SHANK1: variants seen among roughly 807,000 people sequenced by gnomAD.
The protein encoded by SHANK1 is SH3 and multiple ankyrin repeat domains 1, also known as SH3 and multiple ankyrin repeat domains protein 1.
A neutral mutation model predicts 165.6 loss-of-function variants in SHANK1; 35 were observed. The ratio of observed to expected loss-of-function variants is 0.21; its 90% CI spans 0.16 to 0.28. The LOEUF (loss-of-function observed/expected upper bound fraction) is 0.28. SHANK1 is among the 10% of genes least tolerant of loss of function. The pLI is 1.00. For synonymous variants in SHANK1, 1,428 were observed against 1,384.8 expected (o/e 1.03, Z -0.69); for missense variants, 2,681 against 3,036.4 (o/e 0.88, Z 2.75).
chr19:50,690,448 C>G lies in SHANK1; in HGVS notation c.1965-1169G>C, dbSNP rs1472610415. Among the ~76,000 whole-genome samples the G allele has an allele frequency of 2.6e-5, 4 of 152,138 alleles. No individual in the cohort carries two copies. Among genetic ancestry groups the G allele is most frequent in the African/African-American group, 9.7e-5 (4 of 41,416 alleles). On this transcript the variant is annotated intron_variant, in intron 15 of 23. Coordinates refer to ENST00000293441, the MANE Select transcript of SHANK1 (RefSeq NM_016148.5). The surrounding 1 kb of genome is among the most constrained non-coding windows in gnomAD (Gnocchi z 4.9). ...AATACTCAGACACCCTGGCTGCAAC[C>G]CCACTGCCTTCAGAATACCCAAGAA...
intron 8 of SHANK1, 74 bp downstream of exon 8, chr19:50,711,297 G>A (rs1444400778): frequency 1.1e-6 from 1 of 904,564 alleles, no homozygotes; most frequent in Non-Finnish European, 1.8e-6. Flanking sequence ...GTCAAGAGGA[G>A]TGTCTGAGCT....
In SHANK1 at chr19:50,686,828, A is replaced by T. The variant is rs372230734; in HGVS notation, c.2390-16T>A. On this transcript the variant is annotated splice_polypyrimidine_tract_variant and intron_variant, in intron 19 of 23. Coordinates refer to ENST00000293441, the MANE Select transcript of SHANK1 (RefSeq NM_016148.5). This position sits in a 1 kb window ranked among gnomAD's most constrained non-coding sequence, Gnocchi z 5.7. ...TGCTCGTACTCTGTGGGCAAAGAAC[A>T]CGGATGACGCCCAGGGAGCCCCCGG... 1.2e-6 allele frequency: 2 copies of T among 1,612,988 alleles called. No individual in the cohort carries two copies. The highest frequency in any genetic ancestry group is 2.7e-5 in the African/African-American group (2 of 74,808).
At chr19:50,694,466 G>A (rs1221845869) in intron 15 of SHANK1, among the ~76,000 whole-genome samples, 6 of 149,822 alleles carry the variant, frequency 4.0e-5, no homozygotes, top group Non-Finnish European at 1.5e-5. Context: ...GGTAAGCCAC[G>A]GTGGCTCCCC....
rs1015721473 is a variant in SHANK1, at chr19:50,659,487, C to A, written c.*2478G>T. On this transcript the variant is annotated 3_prime_UTR_variant, in exon 24 of 24. Coordinates refer to ENST00000293441, the MANE Select transcript of SHANK1 (RefSeq NM_016148.5). ...GCCCGCGAAAGGGAAGACCTGGGCACCGGGGCTTTCAGCGCGTGCCGAGCC... is the reference window on the plus strand; with the variant it reads ...GCCCGCGAAAGGGAAGACCTGGGCAACGGGGCTTTCAGCGCGTGCCGAGCC... Among the ~76,000 whole-genome samples the A allele has an allele frequency of 6.6e-6, 1 of 151,792 alleles. No homozygotes were observed. The highest frequency in any genetic ancestry group is 2.4e-5 in the African/African-American group (1 of 41,318).
intron 8 of SHANK1, among the ~76,000 whole-genome samples, chr19:50,706,029 C>T (rs1264531027): frequency 1.3e-5 from 2 of 152,086 alleles, no homozygotes; most frequent in Non-Finnish European, 2.9e-5. Flanking sequence ...CTTGGTGGCA[C>T]ACGCCTGTAG....
chr19:50,686,697 C>T lies in SHANK1; in HGVS notation c.2458+47G>A, dbSNP rs776671669. The T allele has an allele frequency of 7.6e-6, 12 of 1,579,316 alleles. No homozygotes were observed. Among genetic ancestry groups the T allele is most frequent in the East Asian group, 2.3e-5 (1 of 44,398 alleles). ...GGTGGGACAGGGATGCAGCGGGTGC[C>T]GGGGCTGGGGCCCGGCATCCCGAGG... On this transcript the variant is annotated intron_variant, in intron 20 of 23. Coordinates refer to ENST00000293441, the MANE Select transcript of SHANK1 (RefSeq NM_016148.5). This position sits in a 1 kb window ranked among gnomAD's most constrained non-coding sequence, Gnocchi z 5.7.
In SHANK1 at chr19:50,668,758, C is replaced by A. The variant is rs1295548734; in HGVS notation, c.3202G>T (p.Gly1068Cys). Residue 1068 changes from glycine (G) to cysteine (C), a missense_variant, in exon 23 of 24, where the codon GGC becomes TGC. Coordinates refer to ENST00000293441, the MANE Select transcript of SHANK1 (RefSeq NM_016148.5). ...GAGCCGCCGCCCCCGCCCGCGCTGC[C>A]GTGGTGCGATGGGGACGGGGCCCCC... is the stretch of plus-strand genomic sequence containing the variant. ...TPGAPSPSHH[G>C]SAGGGGGSSQ... 5 of 1,276,694 alleles carry A rather than the reference C, an allele frequency of 3.9e-6. No homozygotes were observed. Among genetic ancestry groups the A allele is most frequent in the Middle Eastern group, 3.0e-4 (1 of 3,362 alleles). 79.1% of individuals were successfully genotyped at this position (1,276,694 alleles called of 1,614,324 possible).
chr19:50,696,539 T>A (rs1206734336), intron 15 of SHANK1, among the ~76,000 whole-genome samples: 1 of 151,812 alleles, frequency 6.6e-6, no homozygotes, highest in African/African-American at 2.4e-5. Context: ...GAGGAGAGTG[T>A]CATATTTTAG....
chr19:50,704,223 G>C (rs113010495), intron 9 of SHANK1, 37 bp from the exon 10 acceptor site: 2 of 1,599,234 alleles, frequency 1.3e-6, no homozygotes, highest in East Asian at 2.2e-5. Context: ...GGCCAGGGGG[G>C]CCCAGGCAGC....
At chr19:50,707,839 C>CTAGACTG (rs754522540) in intron 8 of SHANK1, among the ~76,000 whole-genome samples, 4 of 152,000 alleles carry the variant, frequency 2.6e-5, no homozygotes, top group Admixed American at 6.6e-5. Context: ...TGCTGGCCAA[C>CTAGACTG]TAGACTGTTA....
chr19:50,672,086 T>C lies in SHANK1; in HGVS notation c.2606A>G (p.Gln869Arg). 1 of 1,613,876 alleles carries C rather than the reference T, an allele frequency of 6.2e-7. No homozygotes were observed. The highest frequency in any genetic ancestry group is 8.5e-7 in the Non-Finnish European group (1 of 1,179,952). Residue 869 changes from glutamine (Q) to arginine (R), a missense_variant, in exon 22 of 24, where the codon CAG becomes CGG. Physicochemically the swap from Gln to Arg is conservative, Grantham distance 43. Around this residue, in one of 10 missense-constraint regions of SHANK1, gnomAD observed 206 missense variants for 216.0 expected, o/e 0.95. Coordinates refer to ENST00000293441, the MANE Select transcript of SHANK1 (RefSeq NM_016148.5). ...ESSFDPHHRA[Q>R]PSYERPSFLP... is the part of the protein sequence containing the mutation. Reference sequence around the variant, plus strand: ...GAAAGAAGGACGCTCGTAACTTGGCTGGGCACGGTGGTGGGGATCGAAGCT... The same window carrying C: ...GAAAGAAGGACGCTCGTAACTTGGCCGGGCACGGTGGTGGGGATCGAAGCT...
chr19:50,687,226 C>T (rs1313215630), intron 19 of SHANK1, among the ~76,000 whole-genome samples: 2 of 149,202 alleles, frequency 1.3e-5, no homozygotes, highest in Non-Finnish European at 3.0e-5. Context: ...GGGAGGGGCT[C>T]GCTTTCCTCT....
rs1227318951 is a variant in SHANK1, at chr19:50,703,781, TG to T, written c.1271del (p.Pro424GlnfsTer5). ...PKYAARRRGP[P>X]GTGLTVPPAL... ...CCGGGGGCACCGTCAGCCCTGTGCC[TG>T]GGGGCCCCCGTCGCCGGGCCGCGTA... On this transcript the variant is annotated frameshift_variant, in exon 11 of 24. Coordinates refer to ENST00000293441, the MANE Select transcript of SHANK1 (RefSeq NM_016148.5). LOFTEE classifies it high-confidence loss of function. 2.8e-6 allele frequency: 4 copies of T among 1,427,128 alleles called. No individual in the cohort carries two copies. Among genetic ancestry groups the T allele is most frequent in the East Asian group, 2.6e-5 (1 of 39,066 alleles). The allele number at this position is 1,427,128 out of a possible 1,614,324, so 88.4% of individuals were successfully genotyped here.
At chr19:50,707,938 TTTC>T (rs1233099493) in intron 8 of SHANK1, among the ~76,000 whole-genome samples, 1 of 80,484 alleles carries the variant, frequency 1.2e-5, no homozygotes, top group East Asian at 2.5e-4. Context: ...TTTCTTTTCT[TTTC>T]TTTTCTTTTC....
chr19:50,703,169 C>A (rs2088890288), intron 11 of SHANK1, among the ~76,000 whole-genome samples: 1 of 151,326 alleles, frequency 6.6e-6, no homozygotes, highest in African/African-American at 2.4e-5. Context: ...CCCCTCAAGT[C>A]CCTGCCACCC....
rs1239704806 is a variant in SHANK1 at position 50,713,492 on chromosome 19, C to T, written c.792+306G>A. On this transcript the variant is annotated intron_variant, in intron 6 of 23. Coordinates refer to ENST00000293441, the MANE Select transcript of SHANK1 (RefSeq NM_016148.5). This position sits in a 1 kb window ranked among gnomAD's most constrained non-coding sequence, Gnocchi z 6.2. ...TTTTAAGGAATGAGAAGGGTTTACA[C>T]CTTGGGGAGACAGAGGCAGATTTGG... 6.6e-6 allele frequency among the ~76,000 whole-genome samples: 1 copy of T among 151,946 alleles called. No individual in the cohort carries two copies.
Position 50,659,363 on chromosome 19 carries a change from G to C in SHANK1, c.*2602C>G. 2.6e-6 allele frequency: 1 copy of C among 380,832 alleles called. No homozygotes were observed. Among genetic ancestry groups the C allele is most frequent in the Non-Finnish European group, 4.6e-6 (1 of 216,884 alleles). The allele number at this position is 380,832 out of a possible 1,614,324, so 23.6% of individuals were successfully genotyped here. On this transcript the variant is annotated 3_prime_UTR_variant, in exon 24 of 24. Coordinates refer to ENST00000293441, the MANE Select transcript of SHANK1 (RefSeq NM_016148.5). ...GTCAGGGGAAGGGAGGTGATGGGGG[G>C]TAGGAATGAACCCCCATGTTATAAT...
At chr19:50,665,902 A>ATGCCTGGAATCCCAGCTACT (rs775149350) in intron 23 of SHANK1, among the ~76,000 whole-genome samples, 2 of 135,648 alleles carry the variant, frequency 1.5e-5, no homozygotes, top group African/African-American at 2.9e-5. Flanking sequence ...GTGTGGTGGC[A>ATGCCTGGAATCCCAGCTACT]TGGGAGGCTG....
chr19:50,686,162 G>A lies in SHANK1; in HGVS notation c.2577+75C>T. ...AGCACAGAGGCGTCAGGAGGGTTTT[G>A]GAAAGAGAAAGGCTCCAGGTTGGTG... On this transcript the variant is annotated intron_variant, in intron 21 of 23. Coordinates refer to ENST00000293441, the MANE Select transcript of SHANK1 (RefSeq NM_016148.5). The surrounding 1 kb of genome is among the most constrained non-coding windows in gnomAD (Gnocchi z 5.7). The A allele has an allele frequency of 1.2e-6, 1 of 838,420 alleles. No homozygotes were observed. The highest frequency in any genetic ancestry group is 1.9e-6 in the Non-Finnish European group (1 of 532,348). 51.9% of individuals were successfully genotyped at this position (838,420 alleles called of 1,614,324 possible). A position where few individuals can be genotyped will look rare whatever the true frequency, so the allele number is the denominator to read the frequency against.
Sources: allele counts gnomAD v4.1 joint callset (sites outside exome capture counted in the v4.1 genomes callset), GRCh38; gene constraint gnomAD v4.1.1; regional missense constraint gnomAD v4.1.1; non-coding constraint Gnocchi (gnomAD v3.1); transcripts MANE v1.5; gene names NCBI Gene and HGNC (gene_info 2026-07-23, HGNC 2026-07-21).